Variants in CD101 observed in about 807,000 individuals in gnomAD.
CD101 encodes the protein CD101 molecule.
Under a neutral mutation model 98.2 loss-of-function variants are expected in CD101, and 76 were observed. That is an observed-to-expected ratio of 0.77 (90% CI 0.64 to 0.94). The LOEUF is 0.94. Ranked by LOEUF, CD101 falls within the 40% of genes least tolerant of loss-of-function variation. CD101 has a pLI of 0.00. For synonymous variants in CD101, 471 were observed against 472.7 expected, an observed-to-expected ratio of 1.00 and a Z score of 0.05; for missense variants, 1,145 against 1,218.8, an observed-to-expected ratio of 0.94 and a Z score of 0.90.
At chr1:117,028,338 C>T (rs1321190279) in intron 8 of CD101, among the ~76,000 whole-genome samples, 1 of 152,104 alleles carries the variant, frequency 6.6e-6, no homozygotes, top group East Asian at 1.9e-4. Context: ...TAAGGATTAA[C>T]ATTTGGACTC....
chr1:117,025,434 G>T, intron 7 of CD101, 75 bp from the exon 8 acceptor site: 1 of 1,282,944 alleles, frequency 7.8e-7, no homozygotes, highest in East Asian at 2.3e-5. Context: ...TTCCCAGTGA[G>T]AACTAGATTT....
At chr1:117,009,747 T>C (rs1401023964) in intron 1 of CD101, 103 bp from the exon 2 acceptor site, 2 of 1,250,490 alleles carry the variant, frequency 1.6e-6, no homozygotes, top group African/African-American at 3.0e-5. Flanking sequence ...TAACTTGCGA[T>C]CTCATTTACC....
rs531589136 is a variant in CD101 at position 117,035,965 on chromosome 1, C to T, written c.*34-203C>T. 1.1e-4 allele frequency among the ~76,000 whole-genome samples: 16 copies of T among 152,258 alleles called. No homozygotes were observed. In the South Asian group the frequency reaches 2.9e-3, roughly 28 times the overall value. On this transcript the variant is annotated intron_variant, in intron 9 of 9. Transcript: ENST00000682167. ...CTGGGCAGAGAATCTTGGATGGACT[C>T]TGCTGCAGCCCTCTGTGGGAGCACT...
At chr1:117,011,416 A>G (rs182830024) in intron 2 of CD101, 134 bp from the exon 3 acceptor site, 112 of 704,506 alleles carry the variant, frequency 1.6e-4, no homozygotes, top group Admixed American at 4.1e-4. Flanking sequence ...GCATATGGAT[A>G]GGAAAGCATA....
Position 117,005,164 on chromosome 1 carries a change from C to T in CD101, c.43+3304C>T, listed in dbSNP as rs189996267. Among the ~76,000 whole-genome samples the T allele has an allele frequency of 7.2e-4, 109 of 152,232 alleles. No individual in the cohort carries two copies. The highest frequency in any genetic ancestry group is 2.4e-3 in the African/African-American group (100 of 41,530). On this transcript the variant is annotated intron_variant, in intron 1 of 9. Transcript: ENST00000682167. This position sits in a 1 kb window ranked among gnomAD's most constrained non-coding sequence, Gnocchi z 4.4. ...CGTGTGAGTTTTAGGAAGACACAGA[C>T]GTTGAGACTATAACACAGCACCCTC...
chr1:117,016,837 C>CAG (rs1463294447), intron 4 of CD101, among the ~76,000 whole-genome samples: 1 of 152,186 alleles, frequency 6.6e-6, no homozygotes, highest in Non-Finnish European at 1.5e-5. Context: ...GCCTGCACAA[C>CAG]AGAGCAAGAC....
intron 8 of CD101, among the ~76,000 whole-genome samples, chr1:117,028,995 C>A (rs561995194): frequency 2.0e-5 from 3 of 150,588 alleles, no homozygotes; most frequent in Non-Finnish European, 4.4e-5. Flanking sequence ...GAAGATGATA[C>A]AGATTTGAGC....
At chr1:117,014,185 T>TTGTGTGTGTGTG (rs3220776) in intron 4 of CD101, among the ~76,000 whole-genome samples, 86 of 141,266 alleles carry the variant, frequency 6.1e-4, no homozygotes, top group African/African-American at 1.7e-3. Context: ...CCCTCTGCCT[T>TTGTGTGTGTGTG]TGTGTGTGTG....
At chr1:117,025,958 C>T (rs1199092109) in intron 8 of CD101, 54 bp downstream of exon 8, 5 of 1,512,182 alleles carry the variant, frequency 3.3e-6, no homozygotes, top group Non-Finnish European at 3.6e-6. Context: ...ACATGGCTCT[C>T]CTCTTATCCT....
At chr1:117,034,253 A>G in intron 9 of CD101, 119 bp downstream of exon 9, 1 of 882,084 alleles carries the variant, frequency 1.1e-6, no homozygotes, top group Non-Finnish European at 1.7e-6. Flanking sequence ...CTGAGTGCTT[A>G]TTGGTTCTAC....
rs1653398992 is a variant in CD101, at chr1:117,018,685, AC to A, written c.2017+127del. ...CCATATTTGTTCTATCTAAGTAAGC[AC>A]CACATGATGAATGATACCCAGGTTA... On this transcript the variant is annotated intron_variant, in intron 6 of 9. Transcript: ENST00000682167. The surrounding 1 kb of genome is among the most constrained non-coding windows in gnomAD (Gnocchi z 4.3). The A allele has an allele frequency of 1.1e-6, 1 of 895,108 alleles. No homozygotes were observed. Among genetic ancestry groups the A allele is most frequent in the African/African-American group, 1.7e-5 (1 of 59,484 alleles). 55.4% of individuals were successfully genotyped at this position (895,108 alleles called of 1,614,324 possible). A position where few individuals can be genotyped will look rare whatever the true frequency, so the allele number is the denominator to read the frequency against.
rs920971871 is a variant in CD101 at position 117,018,942 on chromosome 1, T to A, written c.2017+382T>A. ...CCAGGCCTTACCAGTTAGTAAACAT[T>A]TGCAGTGTCTCTGCTAGTGGTAGGG... On this transcript the variant is annotated intron_variant, in intron 6 of 9. Coordinates refer to ENST00000682167, the MANE Select transcript of CD101 (RefSeq NM_001256106.3). This position sits in a 1 kb window ranked among gnomAD's most constrained non-coding sequence, Gnocchi z 4.3. 6.6e-6 allele frequency among the ~76,000 whole-genome samples: 1 copy of A among 152,234 alleles called. No individual in the cohort carries two copies. Among genetic ancestry groups the A allele is most frequent in the African/African-American group, 2.4e-5 (1 of 41,460 alleles).
rs1653585952 is a variant in CD101 at position 117,021,603 on chromosome 1, A to G, written c.2048A>G (p.Gln683Arg). ...AAGCTAAAAGTGAATTCAAGGAGTC[A>G]AGTCCAAGAGCTCTCCATCAACTCC... ...ESKLKVNSRS[Q>R]VQELSINSNT... Residue 683 changes from glutamine to arginine, a missense_variant, in exon 7 of 10, where the codon CAA (glutamine) becomes CGA (arginine). Coordinates refer to ENST00000682167, the MANE Select transcript of CD101 (RefSeq NM_001256106.3). The surrounding 1 kb of genome is among the most constrained non-coding windows in gnomAD (Gnocchi z 4.7). The G allele has an allele frequency of 3.8e-6, 6 of 1,585,708 alleles. No homozygotes were observed. The African/African-American group carries it at 6.8e-5, about 18-fold the overall frequency.
At chr1:117,008,872 C>T (rs1652703503) in intron 1 of CD101, among the ~76,000 whole-genome samples, 1 of 152,214 alleles carries the variant, frequency 6.6e-6, no homozygotes, top group Non-Finnish European at 1.5e-5. Flanking sequence ...CTTCTGGTGT[C>T]TTCCAACCCT....
At chr1:117,014,825 C>A (rs3820496) in intron 4 of CD101, among the ~76,000 whole-genome samples, 1 of 152,144 alleles carries the variant, frequency 6.6e-6, no homozygotes, top group Non-Finnish European at 1.5e-5. Flanking sequence ...GAAGATGCAC[C>A]GATTTGGCCT....
At chr1:117,013,971 C>G (rs1221696431) in intron 4 of CD101, among the ~76,000 whole-genome samples, 179 bp downstream of exon 4, 1 of 152,062 alleles carries the variant, frequency 6.6e-6, no homozygotes, top group Admixed American at 6.6e-5. Context: ...AGACCCGAGT[C>G]CTATTCCTGA....
At chr1:117,015,876 C>T (rs538941327) in intron 4 of CD101, among the ~76,000 whole-genome samples, 20 of 152,248 alleles carry the variant, frequency 1.3e-4, no homozygotes, top group African/African-American at 4.6e-4. Flanking sequence ...ATATGTTGCC[C>T]AGGGCAATTC....
intron 5 of CD101, among the ~76,000 whole-genome samples, chr1:117,017,819 C>G (rs1323053934): frequency 6.6e-6 from 1 of 152,114 alleles, no homozygotes; most frequent in African/African-American, 2.4e-5. Context: ...GGTTCTGATA[C>G]TGAACCCACG....
rs147550184 is a variant in CD101, at chr1:117,018,947, G to A, written c.2017+387G>A. Among the ~76,000 whole-genome samples, 46 of 152,334 alleles carry A rather than the reference G, an allele frequency of 3.0e-4. No homozygotes were observed. Among genetic ancestry groups the A allele is most frequent in the African/African-American group, 1.2e-4 (5 of 41,568 alleles). ...CCTTACCAGTTAGTAAACATTTGCAGTGTCTCTGCTAGTGGTAGGGATAAG... is the reference window on the plus strand; with the variant it reads ...CCTTACCAGTTAGTAAACATTTGCAATGTCTCTGCTAGTGGTAGGGATAAG... On this transcript the variant is annotated intron_variant, in intron 6 of 9. Transcript: ENST00000682167. This position sits in a 1 kb window ranked among gnomAD's most constrained non-coding sequence, Gnocchi z 4.3.
Sources: allele counts gnomAD v4.1 joint callset (sites outside exome capture counted in the v4.1 genomes callset), GRCh38; gene constraint gnomAD v4.1.1; non-coding constraint Gnocchi (gnomAD v3.1); transcripts MANE v1.5; gene names NCBI Gene and HGNC (gene_info 2026-07-23, HGNC 2026-07-21).